Variants in MPPED2 observed in about 807,000 individuals in gnomAD.
MPPED2 encodes metallophosphoesterase MPPED2.
Under a neutral mutation model 33.0 loss-of-function variants are expected in MPPED2, and 5 were observed. That is an observed-to-expected ratio of 0.15 (90% CI 0.08 to 0.32). The LOEUF is 0.32. MPPED2 is among the 10% of genes least tolerant of loss of function. The probability of loss-of-function intolerance (pLI) is 1.00; values close to 1 mark genes in which losing one functional copy is unlikely to be tolerated. For synonymous variants in MPPED2, 136 were observed against 141.9 expected (o/e 0.96, Z 0.29); for missense variants, 275 against 372.1 (o/e 0.74, Z 2.15).
Position 30,580,388 on chromosome 11 carries a change from G to A in MPPED2, c.-15C>T, listed in dbSNP as rs1355223912. On this transcript the variant is annotated 5_prime_UTR_variant, in exon 2 of 7. Coordinates refer to ENST00000358117, the MANE Select transcript of MPPED2 (RefSeq NM_001584.3). ...CCATGTGCCATCCTTCCTCCCTATA[G>A]GCATGAGCAATTCACAACTTTACAG... 6.2e-7 allele frequency: 1 copy of A among 1,613,332 alleles called. No homozygotes were observed. The highest frequency in any genetic ancestry group is 1.7e-5 in the Admixed American group (1 of 59,900).
At chr11:30,535,779 C>T (rs1183955888) in intron 3 of MPPED2, among the ~76,000 whole-genome samples, 1 of 152,022 alleles carries the variant, frequency 6.6e-6, no homozygotes, top group Non-Finnish European at 1.5e-5. Flanking sequence ...TGCCCCAGAG[C>T]CACCAAGGCC....
At chr11:30,535,874 G>A (rs530724219) in intron 3 of MPPED2, 120 bp downstream of exon 3, 12 of 718,990 alleles carry the variant, frequency 1.7e-5, no homozygotes, top group South Asian at 1.0e-4. Context: ...AGACACCACC[G>A]CATATCATAC....
At chr11:30,426,529 G>A (rs566136868) in intron 4 of MPPED2, among the ~76,000 whole-genome samples, 2 of 152,290 alleles carry the variant, frequency 1.3e-5, no homozygotes, top group South Asian at 4.1e-4. Context: ...CAGTGAGGAT[G>A]GGCTCAGTAA....
chr11:30,448,983 A>C (rs1215433656), intron 4 of MPPED2, among the ~76,000 whole-genome samples: 3 of 152,138 alleles, frequency 2.0e-5, no homozygotes, highest in Non-Finnish European at 2.9e-5. Context: ...CACATGCTGT[A>C]TGTTTCCTTC....
intron 4 of MPPED2, among the ~76,000 whole-genome samples, chr11:30,441,615 G>A (rs2133900103): frequency 6.6e-6 from 1 of 152,318 alleles, no homozygotes; most frequent in South Asian, 2.1e-4. Flanking sequence ...CTGTGATTCT[G>A]TGGTTTAGGC....
chr11:30,510,044 C>T (rs2134297894), intron 3 of MPPED2, among the ~76,000 whole-genome samples: 1 of 152,328 alleles, frequency 6.6e-6, no homozygotes, highest in East Asian at 1.9e-4. Flanking sequence ...TGGGTCCTAA[C>T]ATTCATCTGC....
intron 3 of MPPED2, among the ~76,000 whole-genome samples, chr11:30,535,130 C>T (rs531838298): frequency 1.3e-5 from 2 of 152,142 alleles, no homozygotes; most frequent in African/African-American, 4.8e-5. Flanking sequence ...ATCATTTAAT[C>T]GAAAATTTAA....
intron 4 of MPPED2, among the ~76,000 whole-genome samples, chr11:30,483,617 G>T (rs534495433): frequency 6.6e-6 from 1 of 152,292 alleles, no homozygotes; most frequent in South Asian, 2.1e-4. Flanking sequence ...ATCAAAGCAA[G>T]AAAGGTTTTT....
At chr11:30,534,826 T>C (rs886149736) in intron 3 of MPPED2, among the ~76,000 whole-genome samples, 1 of 152,210 alleles carries the variant, frequency 6.6e-6, no homozygotes, top group African/African-American at 2.4e-5. Context: ...TTGTTATCAA[T>C]TTAAATGCTC....
chr11:30,560,302 GT>G (rs370373531), intron 2 of MPPED2, among the ~76,000 whole-genome samples: 2,951 of 144,590 alleles, frequency 0.02, 54 homozygotes, highest in African/African-American at 0.054. Flanking sequence ...TGACTAACAA[GT>G]TTTTTTTTTA....
intron 4 of MPPED2, among the ~76,000 whole-genome samples, chr11:30,428,726 C>T (rs556123860): frequency 3.4e-4 from 51 of 152,148 alleles, no homozygotes; most frequent in Admixed American, 1.5e-3. Context: ...ATCTATAAAA[C>T]GGAGATAAAA....
rs957805855 is a variant in MPPED2 at position 30,411,038 on chromosome 11, A to G, written c.*430T>C. 2 of 985,904 alleles carry G rather than the reference A, an allele frequency of 2.0e-6. No homozygotes were observed. The highest frequency in any genetic ancestry group is 4.7e-5 in the South Asian group (1 of 21,304). 61.1% of individuals were successfully genotyped at this position (985,904 alleles called of 1,614,324 possible). ...AAGCATTACCAAGAAAACAACAACA[A>G]CAAAACATTGAAAATTAAAATATTT... is the stretch of plus-strand genomic sequence containing the variant. On this transcript the variant is annotated 3_prime_UTR_variant, in exon 7 of 7. Transcript: ENST00000358117.
Position 30,483,774 on chromosome 11 carries a change from CTACTTCCCA to C in MPPED2, c.536+11513_536+11521del, listed in dbSNP as rs1291759003. Among the ~76,000 whole-genome samples the C allele has an allele frequency of 2.6e-5, 4 of 152,236 alleles. No homozygotes were observed. The South Asian group carries it at 8.3e-4, about 32-fold the overall frequency. ...TTTCTAGAACCATGGCGCTCCAAAG[CTACTTCCCA>C]TGGCTCATGAAGCCTTGTGTGGCAT... On this transcript the variant is annotated intron_variant, in intron 4 of 6. Transcript: ENST00000358117.
At chr11:30,389,194 TAGCGATGA>T (rs1027574488) in intron 6 of MPPED2, among the ~76,000 whole-genome samples, 6 of 152,148 alleles carry the variant, frequency 3.9e-5, no homozygotes, top group African/African-American at 1.4e-4. Flanking sequence ...TAGTGGCCTC[TAGCGATGA>T]AGCTGACCTC....
chr11:30,465,329 C>T (rs1477457273), intron 4 of MPPED2, among the ~76,000 whole-genome samples: 1 of 152,146 alleles, frequency 6.6e-6, no homozygotes, highest in Non-Finnish European at 1.5e-5. Flanking sequence ...ACTCTGTCTC[C>T]CAGGCTGGAA....
At chr11:30,482,071 A>G (rs1951513881) in intron 4 of MPPED2, among the ~76,000 whole-genome samples, 1 of 152,186 alleles carries the variant, frequency 6.6e-6, no homozygotes, top group Admixed American at 6.5e-5. Context: ...CACACATTTT[A>G]CGGCTACAGA....
intron 6 of MPPED2, 80 bp from the exon 7 acceptor site, chr11:30,411,666 C>A: frequency 7.5e-6 from 10 of 1,327,224 alleles, no homozygotes; most frequent in Admixed American, 6.7e-5. Context: ...GCAAGGAAAA[C>A]AAAAAATTTT....
At chr11:30,414,499 T>A (rs1948251945) in intron 5 of MPPED2, among the ~76,000 whole-genome samples, 158 bp from the exon 6 acceptor site, 7 of 152,204 alleles carry the variant, frequency 4.6e-5, no homozygotes, top group Admixed American at 4.6e-4. Context: ...AACTTTTCAC[T>A]CGTCACTTTG....
intron 3 of MPPED2, among the ~76,000 whole-genome samples, chr11:30,529,949 G>A (rs748346383): frequency 3.6e-4 from 54 of 152,096 alleles, no homozygotes; most frequent in South Asian, 8.3e-4. Context: ...ACTGAAGCTC[G>A]GAACTATTAA....
Sources: gnomAD v4.1 joint callset for allele counts (sites outside exome capture counted in the v4.1 genomes callset) on GRCh38, gnomAD v4.1.1 for gene constraint, MANE v1.5 for transcripts, NCBI Gene and HGNC (gene_info 2026-07-23, HGNC 2026-07-21) for gene names.